DRC11: variants seen among roughly 807,000 people sequenced by gnomAD.
The protein encoded by DRC11 is dynein regulatory complex subunit 11, also known as IQ and AAA domain-containing protein 1.
chr2:236,481,228 T>C, the DRC11 span, among the ~76,000 whole-genome samples: 215 of 152,312 alleles, frequency 1.4e-3, no homozygotes, highest in African/African-American at 5.0e-3. Flanking sequence ...AAGGTTTTTA[T>C]CCTTACAGAT....
At chr2:236,338,212 G>A in the DRC11 span, 2 of 1,613,412 alleles carry the variant, frequency 1.2e-6, no homozygotes, top group Non-Finnish European at 1.7e-6. Flanking sequence ...TGCCGTATCT[G>A]GAAGCATAGT....
At chr2:236,448,519 A>C in the DRC11 span, among the ~76,000 whole-genome samples, 1 of 152,094 alleles carries the variant, frequency 6.6e-6, no homozygotes, top group South Asian at 2.1e-4. This position sits in a 1 kb window ranked among gnomAD's most constrained non-coding sequence, Gnocchi z 5.3. Context: ...TATTTTTAGT[A>C]GATACGGGGT....
the DRC11 span, among the ~76,000 whole-genome samples, chr2:236,431,269 A>G: frequency 6.6e-6 from 1 of 152,220 alleles, no homozygotes; most frequent in Non-Finnish European, 1.5e-5. This position sits in a 1 kb window ranked among gnomAD's most constrained non-coding sequence, Gnocchi z 4.2. Flanking sequence ...AGTAATTTAT[A>G]AAGTAAAGAG....
chr2:236,448,109 A>G, the DRC11 span, among the ~76,000 whole-genome samples: 1 of 152,236 alleles, frequency 6.6e-6, no homozygotes, highest in Non-Finnish European at 1.5e-5. This position sits in a 1 kb window ranked among gnomAD's most constrained non-coding sequence, Gnocchi z 5.3. Flanking sequence ...TTAATTAGGA[A>G]AGATCTCTGC....
At chr2:236,430,363 G>A in the DRC11 span, among the ~76,000 whole-genome samples, 1 of 152,116 alleles carries the variant, frequency 6.6e-6, no homozygotes, top group Non-Finnish European at 1.5e-5. This position sits in a 1 kb window ranked among gnomAD's most constrained non-coding sequence, Gnocchi z 6.0. Flanking sequence ...TCTTCCAAGT[G>A]CACAGAGATG....
chr2:236,384,574 G>A, the DRC11 span, among the ~76,000 whole-genome samples: 2 of 152,162 alleles, frequency 1.3e-5, no homozygotes, highest in African/African-American at 4.8e-5. Context: ...TTTGTCAGAT[G>A]AGTAGGTTGC....
At chr2:236,468,624 T>C in the DRC11 span, among the ~76,000 whole-genome samples, 348 of 152,296 alleles carry the variant, frequency 2.3e-3, no homozygotes, top group African/African-American at 7.8e-3. Flanking sequence ...TCATTAAAAA[T>C]ATCCAATTCT....
At chr2:236,372,414 A>G in the DRC11 span, among the ~76,000 whole-genome samples, 2 of 152,176 alleles carry the variant, frequency 1.3e-5, no homozygotes, top group African/African-American at 2.4e-5. The surrounding 1 kb of genome is among the most constrained non-coding windows in gnomAD (Gnocchi z 4.5). Flanking sequence ...GAAGATTCTG[A>G]TATTAGTTCT....
chr2:236,313,776 C>A, the DRC11 span, among the ~76,000 whole-genome samples: 23 of 152,210 alleles, frequency 1.5e-4, no homozygotes, highest in East Asian at 3.5e-3. This position sits in a 1 kb window ranked among gnomAD's most constrained non-coding sequence, Gnocchi z 4.5. Flanking sequence ...GACTTATTCC[C>A]ATGGAATTAT....
At chr2:236,376,673 C>T in the DRC11 span, among the ~76,000 whole-genome samples, 1 of 152,106 alleles carries the variant, frequency 6.6e-6, no homozygotes, top group African/African-American at 2.4e-5. The surrounding 1 kb of genome is among the most constrained non-coding windows in gnomAD (Gnocchi z 5.7). Flanking sequence ...CTCATTCCTC[C>T]CCAATATTTG....
At chr2:236,499,954 C>A in the DRC11 span, among the ~76,000 whole-genome samples, 1 of 152,314 alleles carries the variant, frequency 6.6e-6, no homozygotes, top group South Asian at 2.1e-4. The surrounding 1 kb of genome is among the most constrained non-coding windows in gnomAD (Gnocchi z 4.7). Context: ...TCTGCCATTC[C>A]TCAAACATGC....
At chr2:236,383,834 T>G in the DRC11 span, among the ~76,000 whole-genome samples, 118 of 149,158 alleles carry the variant, frequency 7.9e-4, no homozygotes, top group African/African-American at 2.9e-3. Flanking sequence ...CCCACAACAG[T>G]CCCCAGAGTG....
the DRC11 span, among the ~76,000 whole-genome samples, chr2:236,496,562 G>A: frequency 6.6e-6 from 1 of 152,184 alleles, no homozygotes; most frequent in Non-Finnish European, 1.5e-5. This position sits in a 1 kb window ranked among gnomAD's most constrained non-coding sequence, Gnocchi z 6.3. Flanking sequence ...ATGCTCGCAG[G>A]AGGGGGCTGT....
At chr2:236,323,057 T>C in the DRC11 span, among the ~76,000 whole-genome samples, 2 of 152,252 alleles carry the variant, frequency 1.3e-5, no homozygotes, top group African/African-American at 4.8e-5. This position sits in a 1 kb window ranked among gnomAD's most constrained non-coding sequence, Gnocchi z 6.4. Flanking sequence ...AAAGTGTACT[T>C]GTCGTGAAAC....
the DRC11 span, among the ~76,000 whole-genome samples, chr2:236,504,201 G>GGGGGGGGC: frequency 6.6e-6 from 1 of 150,968 alleles, no homozygotes; most frequent in African/African-American, 2.5e-5. This position sits in a 1 kb window ranked among gnomAD's most constrained non-coding sequence, Gnocchi z 5.0. Context: ...CACGGCGGTG[G>GGGGGGGGC]GGGGGGGCGT....
At chr2:236,333,602 G>A in the DRC11 span, among the ~76,000 whole-genome samples, 51 of 152,264 alleles carry the variant, frequency 3.3e-4, no homozygotes, top group African/African-American at 1.1e-3. The surrounding 1 kb of genome is among the most constrained non-coding windows in gnomAD (Gnocchi z 6.0). Context: ...TTGCGGACTT[G>A]GTTCTGGGCA....
chr2:236,404,179 A>G, the DRC11 span, among the ~76,000 whole-genome samples: 2,706 of 148,900 alleles, frequency 0.018, 81 homozygotes, highest in African/African-American at 0.062. Context: ...AAAAAAAAAA[A>G]GAAAAAGAAA....
At chr2:236,380,619 GCCTTTCTTT>G in the DRC11 span, 1 of 1,550,876 alleles carries the variant, frequency 6.4e-7, no homozygotes, top group African/African-American at 1.4e-5. The surrounding 1 kb of genome is among the most constrained non-coding windows in gnomAD (Gnocchi z 4.9). Flanking sequence ...CTTTCTTTTT[GCCTTTCTTT>G]CCTTTCTTCT....
At chr2:236,501,064 A>G in the DRC11 span, among the ~76,000 whole-genome samples, 1 of 152,186 alleles carries the variant, frequency 6.6e-6, no homozygotes, top group African/African-American at 2.4e-5. Context: ...TACAGGAAGC[A>G]TGGCAGCATC....
Sources: gnomAD v4.1 joint callset for allele counts (sites outside exome capture counted in the v4.1 genomes callset) on GRCh38, gnomAD v4.1.1 for gene constraint, Gnocchi (gnomAD v3.1) non-coding constraint, MANE v1.5 for transcripts, NCBI Gene and HGNC (gene_info 2026-07-23, HGNC 2026-07-21) for gene names.